The following DENND11 variants were observed in gnomAD, a reference collection of about 807,000 sequenced individuals.
The protein encoded by DENND11 is DENN domain containing 11.
A neutral mutation model predicts 49.2 loss-of-function variants in DENND11; 34 were observed. The observed-to-expected ratio is 0.69, with a 90% CI of 0.53 to 0.92. DENND11 has a LOEUF of 0.92. DENND11 is among the 40% of genes least tolerant of loss of function. DENND11 has a pLI of 0.00. For missense variants in DENND11, 475 were observed against 581.6 expected (o/e 0.82, Z 1.88); for synonymous variants, 238 against 230.3 (o/e 1.03, Z -0.30).
intron 7 of DENND11, among the ~76,000 whole-genome samples, chr7:141,664,490 A>G (rs1389966116): frequency 6.6e-6 from 1 of 152,176 alleles, no homozygotes; most frequent in African/African-American, 2.4e-5. Flanking sequence ...TACTTATTTC[A>G]CAGGATCACC....
In DENND11 at chr7:141,662,307, C is replaced by A. The variant is rs140178191; in HGVS notation, c.*349G>T. The A allele has an allele frequency of 8.1e-4, 192 of 237,216 alleles. 2 individuals are homozygous for A. The highest frequency in any genetic ancestry group is 4.1e-3 in the African/African-American group (184 of 44,916). 14.7% of individuals were successfully genotyped at this position (237,216 alleles called of 1,614,324 possible). A position where few individuals can be genotyped will look rare whatever the true frequency, so the allele number is the denominator to read the frequency against. On this transcript the variant is annotated 3_prime_UTR_variant, in exon 9 of 9. Transcript: ENST00000536163. ...GTGGTTGTCTTATTCTCAAATACAT[C>A]AAGGGACAAAGACCACACAGACTTT...
rs1797717680 is a variant in DENND11, at chr7:141,657,599, T to TTAGTC, written c.*5052_*5056dup. 1 of 152,368 alleles carries TTAGTC rather than the reference T, an allele frequency of 6.6e-6. No individual in the cohort carries two copies. Among genetic ancestry groups the TTAGTC allele is most frequent in the African/African-American group, 2.4e-5 (1 of 41,426 alleles). The allele number at this position is 152,368 out of a possible 1,614,324, so 9.4% of individuals were successfully genotyped here. ...CTTAGAAAGCAAAGTAAATTTATTG[T>TTAGTC]TAGTCTAAATAAGCATTCTATAGCA... On this transcript the variant is annotated 3_prime_UTR_variant, in exon 9 of 9. Coordinates refer to ENST00000536163, the MANE Select transcript of DENND11 (RefSeq NM_001080392.2).
At chr7:141,697,299 A>C (rs969621021) in intron 1 of DENND11, among the ~76,000 whole-genome samples, 1 of 152,188 alleles carries the variant, frequency 6.6e-6, no homozygotes, top group Non-Finnish European at 1.5e-5. Context: ...CTCAATTTTC[A>C]AGAGAAGAAA....
chr7:141,689,851 C>T (rs1584724462), intron 1 of DENND11, among the ~76,000 whole-genome samples: 1 of 152,216 alleles, frequency 6.6e-6, no homozygotes, highest in African/African-American at 2.4e-5. Flanking sequence ...TGTGTAGCAA[C>T]AGTTTGTTCA....
intron 1 of DENND11, 52 bp downstream of exon 1, chr7:141,701,834 C>T: frequency 8.7e-7 from 1 of 1,152,250 alleles, no homozygotes; most frequent in Non-Finnish European, 1.1e-6. Context: ...GCCCCCAAAG[C>T]TCGGGGGCAC....
chr7:141,689,807 T>C lies in DENND11; in HGVS notation c.269-3149A>G, dbSNP rs185584640. On this transcript the variant is annotated intron_variant, in intron 1 of 8. Coordinates refer to ENST00000536163, the MANE Select transcript of DENND11 (RefSeq NM_001080392.2). Reference sequence around the variant, plus strand: ...GTTTCTACAAAATGTAATTATAGTTTGCTTTTATGTCTTTTATGTCATCCA... The same window carrying C: ...GTTTCTACAAAATGTAATTATAGTTCGCTTTTATGTCTTTTATGTCATCCA... Among the ~76,000 whole-genome samples, 5 of 152,352 alleles carry C rather than the reference T, an allele frequency of 3.3e-5. No homozygotes were observed. In the East Asian group the frequency reaches 9.6e-4, roughly 29 times the overall value.
chr7:141,686,692 C>T, intron 1 of DENND11, 34 bp from the exon 2 acceptor site: 1 of 1,466,476 alleles, frequency 6.8e-7, no homozygotes, highest in Non-Finnish European at 9.5e-7. Context: ...TTAAAAGAAA[C>T]AACATCATTC....
At chr7:141,698,432 C>G (rs1369105769) in intron 1 of DENND11, among the ~76,000 whole-genome samples, 1 of 152,184 alleles carries the variant, frequency 6.6e-6, no homozygotes, top group Non-Finnish European at 1.5e-5. Flanking sequence ...GTTTCAATAG[C>G]AGCTTTGTGG....
chr7:141,685,659 T>G, intron 2 of DENND11, 23 bp from the exon 3 acceptor site: 1 of 1,612,400 alleles, frequency 6.2e-7, no homozygotes, highest in Non-Finnish European at 8.5e-7. Context: ...AAATACGTAG[T>G]GTGGCTCAAG....
chr7:141,662,729 C>T lies in DENND11; in HGVS notation c.1295G>A (p.Ser432Asn), dbSNP rs1175293520. ...GMGLDPQGDR[S>N]FLLDLLEAYG... ...GGCCTCCAGCAGGTCCAGGAGAAAG[C>T]TCCGGTCTCCTTGGGGGTCTAGGCC... is the stretch of plus-strand genomic sequence containing the variant. The change falls in exon 9 of 9, where the codon AGC (serine) becomes AAC (asparagine). Residue 432 changes from serine (S) to asparagine (N), a missense_variant. Ser to Asn is a conservative substitution (Grantham distance 46). Transcript: ENST00000536163. 6.2e-7 allele frequency: 1 copy of T among 1,611,748 alleles called. No individual in the cohort carries two copies. The highest frequency in any genetic ancestry group is 2.2e-5 in the East Asian group (1 of 44,762).
Position 141,683,280 on chromosome 7 carries a change from A to G in DENND11, c.527+2198T>C, listed in dbSNP as rs1175178063. On this transcript the variant is annotated intron_variant, in intron 3 of 8. Coordinates refer to ENST00000536163, the MANE Select transcript of DENND11 (RefSeq NM_001080392.2). ...GAAAAAGTTCCTAAAATTAAAAATA[A>G]AAGAACTATCTATTGAGCAAAGGGG... is the stretch of plus-strand genomic sequence containing the variant. Among the ~76,000 whole-genome samples the G allele has an allele frequency of 2.0e-5, 3 of 151,112 alleles. No individual in the cohort carries two copies. The East Asian group carries it at 5.8e-4, about 29-fold the overall frequency.
intron 3 of DENND11, among the ~76,000 whole-genome samples, chr7:141,676,088 G>A (rs907171141): frequency 1.3e-5 from 2 of 152,200 alleles, no homozygotes; most frequent in Non-Finnish European, 2.9e-5. Flanking sequence ...ACGAAAGTCT[G>A]ATTCACAGAA....
At chr7:141,689,314 G>A (rs909937123) in intron 1 of DENND11, among the ~76,000 whole-genome samples, 2 of 152,138 alleles carry the variant, frequency 1.3e-5, no homozygotes, top group African/African-American at 4.8e-5. Context: ...GACATGGATG[G>A]AGCTGGAAGC....
intron 4 of DENND11, 43 bp from the exon 5 acceptor site, chr7:141,666,468 C>A (rs371718600): frequency 1.4e-5 from 21 of 1,504,604 alleles, no homozygotes; most frequent in Non-Finnish European, 1.9e-5. Flanking sequence ...GAGTGAGGAA[C>A]AGCTTCTTAG....
In DENND11 at chr7:141,680,206, GAC is replaced by G. The variant is rs542524406; in HGVS notation, c.527+5270_527+5271del. ...TGCTATAATTCTATAGAAGGCATAT[GAC>G]ACAGCTGAAAACAAGGAAGAAACTC... On this transcript the variant is annotated intron_variant, in intron 3 of 8. Transcript: ENST00000536163. Among the ~76,000 whole-genome samples, 354 of 152,254 alleles carry G rather than the reference GAC, an allele frequency of 2.3e-3. 2 individuals are homozygous for G. The highest frequency in any genetic ancestry group is 6.8e-3 in the Middle Eastern group (2 of 294).
chr7:141,701,959 C>G lies in DENND11; in HGVS notation c.195G>C (p.Gly65=). The change falls in exon 1 of 9, where the codon GGG becomes GGC. Residue 65 remains glycine, a synonymous_variant. Coordinates refer to ENST00000536163, the MANE Select transcript of DENND11 (RefSeq NM_001080392.2). ...CCTCCACGTCGCCCAGCTCCAGGCG[C>G]CCGGGCTGCAGCAGCACCTCCGGGG... The part of the protein sequence containing the change: ...PAAPEVLLQP[G]RLELGDVEED... 8.4e-7 allele frequency: 1 copy of G among 1,185,038 alleles called. No individual in the cohort carries two copies. The allele number at this position is 1,185,038 out of a possible 1,614,324, so 73.4% of individuals were successfully genotyped here.
intron 1 of DENND11, among the ~76,000 whole-genome samples, chr7:141,691,098 A>T (rs185201341): frequency 6.6e-6 from 1 of 152,368 alleles, no homozygotes; most frequent in East Asian, 1.9e-4. Context: ...CTTCCAAATG[A>T]AGGCTATGTT....
chr7:141,663,910 C>T (rs879825048), intron 8 of DENND11: 2 of 432,714 alleles, frequency 4.6e-6, no homozygotes, highest in Non-Finnish European at 8.3e-6. Context: ...TGGACATCCT[C>T]GATGTAAAAG....
Position 141,689,130 on chromosome 7 carries a change from A to G in DENND11, c.269-2472T>C, listed in dbSNP as rs190211575. Among the ~76,000 whole-genome samples, 7 of 152,350 alleles carry G rather than the reference A, an allele frequency of 4.6e-5. No homozygotes were observed. The East Asian group carries it at 1.3e-3, about 29-fold the overall frequency. ...TTACCCAAATGTTATATTGAAGTAT[A>G]GCATAAGTATAGAAAAGTGCAAAGA... On this transcript the variant is annotated intron_variant, in intron 1 of 8. Coordinates refer to ENST00000536163, the MANE Select transcript of DENND11 (RefSeq NM_001080392.2).
Sources: allele counts gnomAD v4.1 joint callset (sites outside exome capture counted in the v4.1 genomes callset), GRCh38; gene constraint gnomAD v4.1.1; transcripts MANE v1.5; gene names NCBI Gene and HGNC (gene_info 2026-07-23, HGNC 2026-07-21).